The following HTR1F variants were observed in gnomAD, a reference collection of about 807,000 sequenced individuals.
HTR1F encodes 5-hydroxytryptamine (serotonin) receptor 1F, G protein-coupled.
A neutral mutation model predicts 24.0 loss-of-function variants in HTR1F; 17 were observed. The observed-to-expected ratio is 0.71, with a 90% confidence interval of 0.48 to 1.06. HTR1F has a LOEUF of 1.06. HTR1F is among the 50% of genes least tolerant of loss of function. The pLI is 0.00. For synonymous variants in HTR1F, 186 were observed against 156.8 expected (o/e 1.19, Z -1.39); for missense variants, 391 against 427.8 (o/e 0.91, Z 0.76).
rs192604894 is a variant in HTR1F, at chr3:87,958,195, T to C, written c.-42-32513T>C. Among the ~76,000 whole-genome samples, 6 of 151,804 alleles carry C rather than the reference T, an allele frequency of 4.0e-5. 1 individual carries two copies. Among genetic ancestry groups the C allele is most frequent in the Admixed American group, 2.0e-4 (3 of 15,216 alleles). On this transcript the variant is annotated intron_variant, in intron 2 of 2. Transcript: ENST00000319595. Reference sequence around the variant, plus strand: ...TACTTATATTTTGTTAAATATCTTATGTGTATTCTGCAGTTGTTGGGTATT... The same window carrying C: ...TACTTATATTTTGTTAAATATCTTACGTGTATTCTGCAGTTGTTGGGTATT...
chr3:87,934,245 T>C (rs546633998), intron 2 of HTR1F, among the ~76,000 whole-genome samples: 16 of 152,308 alleles, frequency 1.1e-4, no homozygotes, highest in Admixed American at 8.5e-4. Flanking sequence ...AAAATAACAG[T>C]AAGGGTTAAC....
At chr3:87,814,286 T>C (rs965901321) in intron 1 of HTR1F, among the ~76,000 whole-genome samples, 3 of 152,178 alleles carry the variant, frequency 2.0e-5, no homozygotes, top group Non-Finnish European at 4.4e-5. Flanking sequence ...TGGACAAAAA[T>C]TGTATATATA....
In HTR1F at chr3:87,993,352, T is replaced by G. The variant is rs1161106973; in HGVS notation, c.*1502T>G. ...AGATATACGAAATAATAAAATACAGTTTTTTTTCCTGAATATGTTTACAGT... is the reference window on the plus strand; with the variant it reads ...AGATATACGAAATAATAAAATACAGGTTTTTTTCCTGAATATGTTTACAGT... On this transcript the variant is annotated 3_prime_UTR_variant, in exon 3 of 3. Coordinates refer to ENST00000319595, the MANE Select transcript of HTR1F (RefSeq NM_001322209.2). 1.1e-5 allele frequency: 1 copy of G among 88,606 alleles called. No homozygotes were observed. The highest frequency in any genetic ancestry group is 3.3e-5 in the Non-Finnish European group (1 of 30,350). The allele number at this position is 88,606 out of a possible 1,614,324, so 5.5% of individuals were successfully genotyped here.
At chr3:87,889,581 G>GT (rs1706033655) in intron 2 of HTR1F, among the ~76,000 whole-genome samples, 1 of 152,064 alleles carries the variant, frequency 6.6e-6, no homozygotes, top group African/African-American at 2.4e-5. Context: ...GCATATCTGG[G>GT]TTTGAGATGC....
At chr3:87,930,328 T>C (rs945005982) in intron 2 of HTR1F, among the ~76,000 whole-genome samples, 1 of 152,096 alleles carries the variant, frequency 6.6e-6, no homozygotes, top group Non-Finnish European at 1.5e-5. Context: ...ATGTTGAATA[T>C]GAGTGGTGAG....
At chr3:87,914,299 T>A (rs1343887073) in intron 2 of HTR1F, among the ~76,000 whole-genome samples, 3 of 151,898 alleles carry the variant, frequency 2.0e-5, no homozygotes, top group African/African-American at 4.8e-5. Context: ...GAGAAGGAAA[T>A]CTCCAGCTGA....
At chr3:87,855,059 T>C (rs1349563891) in intron 2 of HTR1F, among the ~76,000 whole-genome samples, 2 of 152,082 alleles carry the variant, frequency 1.3e-5, no homozygotes, top group African/African-American at 4.8e-5. Flanking sequence ...AGACATGATA[T>C]ACATTTCTTC....
chr3:87,861,757 T>G (rs147012718), intron 2 of HTR1F, among the ~76,000 whole-genome samples: 1 of 152,144 alleles, frequency 6.6e-6, no homozygotes, highest in African/African-American at 2.4e-5. Context: ...TTACATAAAT[T>G]TGTGTTTTTC....
intron 2 of HTR1F, among the ~76,000 whole-genome samples, chr3:87,847,099 T>C (rs1196464543): frequency 5.9e-5 from 9 of 151,728 alleles, no homozygotes; most frequent in African/African-American, 1.7e-4. Flanking sequence ...TATACATAAA[T>C]GATCATTCAA....
At position 87,835,598 on chromosome 3, in the gene HTR1F, G is replaced by A. The variant is rs541120208; in HGVS notation, c.-43+13474G>A. 4.6e-5 allele frequency among the ~76,000 whole-genome samples: 7 copies of A among 152,274 alleles called. No individual in the cohort carries two copies. The East Asian group carries it at 1.4e-3, about 29-fold the overall frequency. ...CCATGCATATAAAGCAGTTAGCAATGTTCTTGGCTGATTATTTTTCAATTT... is the reference window on the plus strand; with the variant it reads ...CCATGCATATAAAGCAGTTAGCAATATTCTTGGCTGATTATTTTTCAATTT... On this transcript the variant is annotated intron_variant, in intron 2 of 2. Coordinates refer to ENST00000319595, the MANE Select transcript of HTR1F (RefSeq NM_001322209.2).
intron 1 of HTR1F, among the ~76,000 whole-genome samples, chr3:87,816,759 C>A (rs1462465225): frequency 6.6e-6 from 1 of 152,024 alleles, no homozygotes; most frequent in Non-Finnish European, 1.5e-5. Flanking sequence ...TACGTAGTGA[C>A]TAGTGACTAA....
At chr3:87,953,122 T>A (rs1450247567) in intron 2 of HTR1F, among the ~76,000 whole-genome samples, 1 of 151,730 alleles carries the variant, frequency 6.6e-6, no homozygotes, top group Non-Finnish European at 1.5e-5. Flanking sequence ...AGGGAAAACA[T>A]TTCAGGACAT....
intron 2 of HTR1F, among the ~76,000 whole-genome samples, chr3:87,913,962 A>G (rs1302147914): frequency 1.3e-5 from 2 of 152,154 alleles, no homozygotes; most frequent in African/African-American, 4.8e-5. Flanking sequence ...CTGAAGGAAT[A>G]AATCAGGAAA....
chr3:87,815,028 A>T (rs1704224704), intron 1 of HTR1F, among the ~76,000 whole-genome samples: 1 of 152,132 alleles, frequency 6.6e-6, no homozygotes, highest in Non-Finnish European at 1.5e-5. Flanking sequence ...CAATTTTGTC[A>T]CTTGTTATTT....
chr3:87,820,366 C>T (rs1704335425), intron 1 of HTR1F, among the ~76,000 whole-genome samples: 1 of 151,412 alleles, frequency 6.6e-6, no homozygotes, highest in Non-Finnish European at 1.5e-5. Context: ...TTAGTAGAGA[C>T]GGGGTTTCAC....
rs141559991 is a variant in HTR1F, at chr3:87,906,520, A to AT, written c.-42-84178dup. Among the ~76,000 whole-genome samples the AT allele has an allele frequency of 3.1e-4, 47 of 150,626 alleles. 1 individual carries two copies. Among genetic ancestry groups the AT allele is most frequent in the African/African-American group, 6.3e-4 (26 of 41,086 alleles). On this transcript the variant is annotated intron_variant, in intron 2 of 2. Transcript: ENST00000319595. ...CCAAACTAAACTGTAGTTAATGAAAATTTTTTTTTTAATTTTTTCTTTCTT... is the reference window on the plus strand; with the variant it reads ...CCAAACTAAACTGTAGTTAATGAAAATTTTTTTTTTTAATTTTTTCTTTCTT...
chr3:87,890,614 G>T (rs546567717), intron 2 of HTR1F, among the ~76,000 whole-genome samples: 2 of 150,906 alleles, frequency 1.3e-5, no homozygotes, highest in African/African-American at 4.9e-5. Flanking sequence ...TAACTGTACG[G>T]TGGATAAACT....
At chr3:87,867,904 T>G (rs2919282) in intron 2 of HTR1F, among the ~76,000 whole-genome samples, 38,122 of 151,974 alleles carry the variant, frequency 0.25, 7,609 homozygotes, top group African/African-American at 0.56. Flanking sequence ...TCATTAATTA[T>G]AAGTTTATAT....
At chr3:87,804,195 T>TGA (rs1704037895) in intron 1 of HTR1F, among the ~76,000 whole-genome samples, 2 of 152,202 alleles carry the variant, frequency 1.3e-5, no homozygotes, top group Admixed American at 6.5e-5. Flanking sequence ...TCCAGGTGTT[T>TGA]CTGACATACA....
Sources: gnomAD v4.1 joint callset for allele counts (sites outside exome capture counted in the v4.1 genomes callset) on GRCh38, gnomAD v4.1.1 for gene constraint, MANE v1.5 for transcripts, NCBI Gene and HGNC (gene_info 2026-07-23, HGNC 2026-07-21) for gene names.